FAM53A: variants seen among roughly 807,000 people sequenced by gnomAD.
The protein encoded by FAM53A is family with sequence similarity 53 member A.
FAM53A carries 28 observed loss-of-function variants against 26.6 expected under a neutral mutation model. That is an observed-to-expected ratio of 1.05 (90% CI 0.78 to 1.45). The LOEUF is 1.45. FAM53A is among the 40% of genes most tolerant of loss of function. The pLI is 0.00. For synonymous variants in FAM53A, 290 were observed against 253.1 expected (o/e 1.15, Z -1.38); for missense variants, 650 against 575.8 (o/e 1.13, Z -1.32).
At chr4:1,606,101 C>T in the FAM53A span, among the ~76,000 whole-genome samples, 8 of 149,932 alleles carry the variant, frequency 5.3e-5, no homozygotes, top group African/African-American at 1.7e-4. Context: ...TGCAGTGGCG[C>T]GATCTCAACT....
chr4:1,579,010 A>AC, the FAM53A span, among the ~76,000 whole-genome samples: 5 of 115,812 alleles, frequency 4.3e-5, no homozygotes, highest in East Asian at 7.9e-4. Context: ...TAGGCCCCCC[A>AC]CCCCCGCAGG....
chr4:1,681,280 T>C (rs1384665509), intron 1 of FAM53A, among the ~76,000 whole-genome samples: 1 of 152,016 alleles, frequency 6.6e-6, no homozygotes, highest in Non-Finnish European at 1.5e-5. Flanking sequence ...TATTTTTTAG[T>C]AGAGACGGGG....
At chr4:1,672,735 C>T (rs1457798260) in intron 1 of FAM53A, among the ~76,000 whole-genome samples, 2 of 146,462 alleles carry the variant, frequency 1.4e-5, no homozygotes, top group African/African-American at 5.0e-5. Context: ...GTGCCCAGGA[C>T]ACAAACACAG....
intron 2 of FAM53A, among the ~76,000 whole-genome samples, chr4:1,661,502 G>A (rs957775963): frequency 6.6e-6 from 1 of 152,104 alleles, no homozygotes; most frequent in Non-Finnish European, 1.5e-5. Flanking sequence ...ACCTTCACAC[G>A]TGACCTTCAG....
chr4:1,639,640 A>C (rs73795190), downstream of FAM53A, among the ~76,000 whole-genome samples: 11,329 of 152,114 alleles, frequency 0.074, 1,201 homozygotes, highest in African/African-American at 0.23. Context: ...AAGGCCCCAA[A>C]CTCCCCAGCG....
intron 1 of FAM53A, among the ~76,000 whole-genome samples, chr4:1,629,964 C>T (rs886855224): frequency 2.0e-5 from 3 of 152,174 alleles, no homozygotes; most frequent in Non-Finnish European, 4.4e-5. Flanking sequence ...GAGCAGATGC[C>T]GGATGGAGCT....
intron 2 of FAM53A, among the ~76,000 whole-genome samples, chr4:1,664,278 T>C (rs917408228): frequency 1.3e-4 from 20 of 152,196 alleles, no homozygotes; most frequent in African/African-American, 4.8e-4. Flanking sequence ...TAGAATGCGC[T>C]ATGAAATCAT....
the FAM53A span, among the ~76,000 whole-genome samples, chr4:1,610,064 C>T: frequency 4.7e-4 from 72 of 152,046 alleles, no homozygotes; most frequent in African/African-American, 1.7e-3. Context: ...TTTGTGGCGG[C>T]CCCCGAGATG....
intron 4 of FAM53A, among the ~76,000 whole-genome samples, chr4:1,645,133 C>T (rs888259629): frequency 2.3e-4 from 35 of 152,162 alleles, no homozygotes; most frequent in Admixed American, 2.2e-3. Flanking sequence ...GTGCCTGGAG[C>T]GCAGCACAGT....
intron 4 of FAM53A, among the ~76,000 whole-genome samples, chr4:1,642,860 G>A (rs547669982): frequency 2.1e-4 from 32 of 152,332 alleles, no homozygotes; most frequent in African/African-American, 6.0e-4. Flanking sequence ...GCCTCACCTC[G>A]TGGCTCAGGC....
chr4:1,575,796 T>C, the FAM53A span, among the ~76,000 whole-genome samples: 1 of 151,998 alleles, frequency 6.6e-6, no homozygotes, highest in Non-Finnish European at 1.5e-5. Context: ...CAGCATGGGT[T>C]GGGAGAGCCA....
chr4:1,622,277 G>A (rs1451802781), intron 1 of FAM53A, among the ~76,000 whole-genome samples: 1 of 152,220 alleles, frequency 6.6e-6, no homozygotes, highest in Admixed American at 6.5e-5. Context: ...TCAGAGTGCA[G>A]CCCCCAGTGT....
At position 1,669,228 on chromosome 4, in the gene FAM53A, G is replaced by A. The variant is rs190385921; in HGVS notation, c.-164-323C>T. On this transcript the variant is annotated intron_variant, in intron 1 of 4. Coordinates refer to ENST00000308132, the MANE Select transcript of FAM53A (RefSeq NM_001174070.3). ...ATGGCAAGGACATTCTGGAAGCTGG[G>A]AAGCTGCTGGAAAGCCAATATCAAG... Among the ~76,000 whole-genome samples, 34 of 152,288 alleles carry A rather than the reference G, an allele frequency of 2.2e-4. No individual in the cohort carries two copies. In the East Asian group the frequency reaches 6.6e-3, roughly 29 times the overall value.
chr4:1,664,794 A>G (rs1024959204), intron 2 of FAM53A, among the ~76,000 whole-genome samples: 1 of 152,154 alleles, frequency 6.6e-6, no homozygotes, highest in South Asian at 2.1e-4. Flanking sequence ...CCTGACCAAC[A>G]TGGTGAAACC....
intron 1 of FAM53A, among the ~76,000 whole-genome samples, chr4:1,620,294 TG>T (rs1250356945): frequency 6.6e-6 from 1 of 152,028 alleles, no homozygotes; most frequent in Non-Finnish European, 1.5e-5. Flanking sequence ...TTCTCAAGTG[TG>T]CCTGGACACA....
At chr4:1,576,421 C>T in the FAM53A span, among the ~76,000 whole-genome samples, 2 of 152,202 alleles carry the variant, frequency 1.3e-5, no homozygotes, top group Non-Finnish European at 2.9e-5. Context: ...CCCACAGCTG[C>T]CTGCAGCACA....
At chr4:1,641,870 C>A (rs933374548) in intron 4 of FAM53A, among the ~76,000 whole-genome samples, 1 of 152,170 alleles carries the variant, frequency 6.6e-6, no homozygotes, top group Admixed American at 6.5e-5. Flanking sequence ...AGACGCACAG[C>A]CTGGCCCTGC....
intron 1 of FAM53A, among the ~76,000 whole-genome samples, chr4:1,618,768 G>T (rs1250671155): frequency 6.6e-6 from 1 of 152,192 alleles, no homozygotes; most frequent in Non-Finnish European, 1.5e-5. Context: ...ATGCGGGCCT[G>T]TGTGCAACCC....
rs183420221 is a variant in FAM53A at position 1,660,090 on chromosome 4, G to A, written c.76-2622C>T. Among the ~76,000 whole-genome samples, 580 of 152,036 alleles carry A rather than the reference G, an allele frequency of 3.8e-3. 4 individuals are homozygous for A. The highest frequency in any genetic ancestry group is 0.017 in the Middle Eastern group (5 of 290). ...TTGAGCTCAGGAGTTTGAGACCAGC[G>A]TGGCCAACATGGTGAAACCCTGTCT... On this transcript the variant is annotated intron_variant, in intron 2 of 4. Coordinates refer to ENST00000308132, the MANE Select transcript of FAM53A (RefSeq NM_001174070.3).
Sources: gnomAD v4.1 joint callset for allele counts (sites outside exome capture counted in the v4.1 genomes callset) on GRCh38, gnomAD v4.1.1 for gene constraint, MANE v1.5 for transcripts, NCBI Gene and HGNC (gene_info 2026-07-23, HGNC 2026-07-21) for gene names.